Variants in SH2D4B observed in about 807,000 individuals in gnomAD.
SH2D4B encodes SH2 domain containing 4B, also known as SH2 domain-containing protein 4B.
Under a neutral mutation model 61.5 loss-of-function variants are expected in SH2D4B, and 45 were observed. The observed-to-expected ratio is 0.73, with a 90% confidence interval of 0.58 to 0.94. The LOEUF is 0.94. Ranked by LOEUF, SH2D4B falls within the 40% of genes least tolerant of loss-of-function variation. The pLI is 0.00. For synonymous variants in SH2D4B, 224 were observed against 220.4 expected (o/e 1.02, Z -0.14); for missense variants, 572 against 574.2 (o/e 1.00, Z 0.04).
chr10:80,550,600 A>G (rs1589331415), intron 1 of SH2D4B, among the ~76,000 whole-genome samples: 1 of 152,292 alleles, frequency 6.6e-6, no homozygotes, highest in East Asian at 1.9e-4. Flanking sequence ...TCTCAAAAAA[A>G]AAGAGAAAGA....
At chr10:80,589,026 C>T (rs780612333) in intron 4 of SH2D4B, among the ~76,000 whole-genome samples, 1 of 149,534 alleles carries the variant, frequency 6.7e-6, no homozygotes, top group Non-Finnish European at 1.5e-5. Context: ...TTTTTTGAGA[C>T]GAAGTCTTGC....
At chr10:80,608,535 C>T (rs777740880) in intron 5 of SH2D4B, among the ~76,000 whole-genome samples, 2 of 152,142 alleles carry the variant, frequency 1.3e-5, no homozygotes, top group Non-Finnish European at 2.9e-5. Flanking sequence ...CAGTGTAGCC[C>T]GAGTGCAGGG....
At chr10:80,637,398 T>G (rs1276148722) in intron 7 of SH2D4B, among the ~76,000 whole-genome samples, 1 of 152,248 alleles carries the variant, frequency 6.6e-6, no homozygotes, top group African/African-American at 2.4e-5. Flanking sequence ...ATTTTCATGA[T>G]ATTGATTCTT....
chr10:80,574,696 T>C (rs1589341015), intron 3 of SH2D4B, among the ~76,000 whole-genome samples: 1 of 151,948 alleles, frequency 6.6e-6, no homozygotes, highest in Non-Finnish European at 1.5e-5. Flanking sequence ...TATTATCAAT[T>C]AATTAATTAA....
intron 6 of SH2D4B, among the ~76,000 whole-genome samples, chr10:80,612,603 A>G (rs545513511): frequency 1.3e-5 from 2 of 152,282 alleles, no homozygotes; most frequent in Admixed American, 6.5e-5. Flanking sequence ...GGAATGGGAA[A>G]ATATATTCTG....
intron 7 of SH2D4B, among the ~76,000 whole-genome samples, chr10:80,642,398 G>A (rs1375897037): frequency 2.0e-5 from 3 of 152,186 alleles, no homozygotes; most frequent in East Asian, 1.9e-4. Flanking sequence ...TTTGACTTTG[G>A]ACGACTATTT....
intron 3 of SH2D4B, among the ~76,000 whole-genome samples, chr10:80,579,664 AT>A (rs975238947): frequency 2.0e-5 from 3 of 150,184 alleles, no homozygotes; most frequent in African/African-American, 7.4e-5. Flanking sequence ...TTGTTTATTA[AT>A]TTTTTTTCCA....
chr10:80,621,515 C>G (rs1299729735), intron 6 of SH2D4B, among the ~76,000 whole-genome samples: 1 of 152,212 alleles, frequency 6.6e-6, no homozygotes. Flanking sequence ...CTCAGTTTAA[C>G]TGTGATTTTC....
chr10:80,619,875 C>A (rs1396914882), intron 6 of SH2D4B, among the ~76,000 whole-genome samples: 1 of 152,208 alleles, frequency 6.6e-6, no homozygotes, highest in Admixed American at 6.5e-5. Flanking sequence ...AAGACTCTGT[C>A]CTGGAGTCTG....
At chr10:80,642,050 T>G (rs542962571) in intron 7 of SH2D4B, among the ~76,000 whole-genome samples, 1 of 152,346 alleles carries the variant, frequency 6.6e-6, no homozygotes. Flanking sequence ...CATAAAAACT[T>G]ATGTATATAA....
At chr10:80,557,888 TA>T (rs1279406182) in intron 1 of SH2D4B, among the ~76,000 whole-genome samples, 2 of 152,162 alleles carry the variant, frequency 1.3e-5, no homozygotes, top group Non-Finnish European at 2.9e-5. Flanking sequence ...CTTTTGGATT[TA>T]ATTTGTTCTT....
chr10:80,586,040 G>A (rs903999397), intron 3 of SH2D4B, among the ~76,000 whole-genome samples: 2 of 152,192 alleles, frequency 1.3e-5, no homozygotes, highest in Admixed American at 6.5e-5. Context: ...CGGAGAGTGT[G>A]CTGGGTCCCC....
At chr10:80,621,473 A>G (rs914191043) in intron 6 of SH2D4B, among the ~76,000 whole-genome samples, 2 of 152,226 alleles carry the variant, frequency 1.3e-5, no homozygotes, top group African/African-American at 4.8e-5. Flanking sequence ...AAAATTTCCC[A>G]TTAAAGATAA....
chr10:80,545,361 C>T (rs78361381), intron 1 of SH2D4B, among the ~76,000 whole-genome samples: 1,777 of 151,416 alleles, frequency 0.012, 31 homozygotes, highest in African/African-American at 0.039. Context: ...TCTTCCTTTC[C>T]TCCTCCTTCT....
At position 80,596,269 on chromosome 10, in the gene SH2D4B, G is replaced by T. The variant is rs541796399; in HGVS notation, c.644-7310G>T. Among the ~76,000 whole-genome samples the T allele has an allele frequency of 1.1e-4, 16 of 152,202 alleles. 1 individual carries two copies. Among genetic ancestry groups the T allele is most frequent in the Non-Finnish European group, 1.5e-4 (10 of 68,028 alleles). ...TTCATGCCCATTCACACATGGGTTG[G>T]AGTTGTTTTAAGAATTGCCAAATAC... On this transcript the variant is annotated intron_variant, in intron 4 of 7. Transcript: ENST00000646907.
chr10:80,544,184 C>G (rs1841633076), intron 1 of SH2D4B, among the ~76,000 whole-genome samples: 1 of 152,164 alleles, frequency 6.6e-6, no homozygotes, highest in African/African-American at 2.4e-5. Flanking sequence ...CAGCTTCACT[C>G]CTGAAGCCAG....
chr10:80,624,071 C>T (rs1842746754), intron 6 of SH2D4B, among the ~76,000 whole-genome samples: 1 of 152,146 alleles, frequency 6.6e-6, no homozygotes. Context: ...TAGGGTTGCT[C>T]TACCTGTGCG....
At chr10:80,560,691 AGCTT>A (rs1564768597) in intron 1 of SH2D4B, among the ~76,000 whole-genome samples, 12 of 134,788 alleles carry the variant, frequency 8.9e-5, no homozygotes, top group African/African-American at 3.5e-4. Context: ...TTCCTGGCCA[AGCTT>A]TTTTTTTTTT....
In SH2D4B at chr10:80,646,410, C is replaced by T. The variant is rs1446689824; in HGVS notation, c.*2325C>T. 1.3e-5 allele frequency: 2 copies of T among 152,294 alleles called. No individual in the cohort carries two copies. Among genetic ancestry groups the T allele is most frequent in the African/African-American group, 2.4e-5 (1 of 41,428 alleles). 9.4% of individuals were successfully genotyped at this position (152,294 alleles called of 1,614,324 possible). On this transcript the variant is annotated 3_prime_UTR_variant, in exon 8 of 8. Coordinates refer to ENST00000646907, the MANE Select transcript of SH2D4B (RefSeq NM_001388272.1). ...TCATTTTATTTGGGGCCTGCAATTT[C>T]TGCATGTCTCATATATTTTAGGTTT...
Sources: gnomAD v4.1 joint callset for allele counts (sites outside exome capture counted in the v4.1 genomes callset) on GRCh38, gnomAD v4.1.1 for gene constraint, MANE v1.5 for transcripts, NCBI Gene and HGNC (gene_info 2026-07-23, HGNC 2026-07-21) for gene names.